The following FLRT2 variants were observed in gnomAD, a reference collection of about 807,000 sequenced individuals.
The protein encoded by FLRT2 is fibronectin leucine rich transmembrane protein 2.
In FLRT2, 15 loss-of-function variants were observed where a neutral mutation model predicts 40.0. That is an observed-to-expected ratio of 0.38 (90% CI 0.25 to 0.58). FLRT2 has a LOEUF of 0.58. Ranked by LOEUF, FLRT2 falls within the 20% of genes least tolerant of loss-of-function variation. FLRT2 has a pLI of 0.71. For missense variants in FLRT2, 726 were observed against 840.0 expected (o/e 0.86, Z 1.68); for synonymous variants, 380 against 336.8 (o/e 1.13, Z -1.41).
At position 85,626,658 on chromosome 14, in the gene FLRT2, T is replaced by C. The variant is rs1893694919; in HGVS notation, c.*3161T>C. On this transcript the variant is annotated 3_prime_UTR_variant, in exon 2 of 2. Transcript: ENST00000330753. Reference sequence around the variant, plus strand: ...TCAGATGCATTAGCAGCCCACTGCATGGGACAATCGCAGGCAGATACGAGG... The same window carrying C: ...TCAGATGCATTAGCAGCCCACTGCACGGGACAATCGCAGGCAGATACGAGG... 2 of 167,132 alleles carry C rather than the reference T, an allele frequency of 1.2e-5. No homozygotes were observed. The allele number at this position is 167,132 out of a possible 1,614,324, so 10.4% of individuals were successfully genotyped here.
At chr14:85,588,270 A>G (rs1300406734) in intron 1 of FLRT2, among the ~76,000 whole-genome samples, 1 of 152,202 alleles carries the variant, frequency 6.6e-6, no homozygotes, top group African/African-American at 2.4e-5. Flanking sequence ...ATTACTAAGA[A>G]TAATAAAAAT....
chr14:85,633,762 T>G lies in FLRT2; in HGVS notation c.*10265T>G, dbSNP rs1189642612. On this transcript the variant is annotated 3_prime_UTR_variant, in exon 2 of 2. Transcript: ENST00000330753. ...TTACATTGAGCTCTGATTGTGCCAC[T>G]GCACTCCAGCTTAGGCAACTGAGCA... 6.6e-6 allele frequency: 1 copy of G among 150,814 alleles called. No individual in the cohort carries two copies. Among genetic ancestry groups the G allele is most frequent in the Non-Finnish European group, 1.5e-5 (1 of 67,900 alleles). 9.3% of individuals were successfully genotyped at this position (150,814 alleles called of 1,614,324 possible).
At chr14:85,580,332 G>A (rs1176108429) in intron 1 of FLRT2, among the ~76,000 whole-genome samples, 1 of 152,006 alleles carries the variant, frequency 6.6e-6, no homozygotes, top group East Asian at 1.9e-4. Flanking sequence ...AAGTAATTTT[G>A]TTTTTCCTTT....
At chr14:85,614,586 C>T (rs758630205) in intron 1 of FLRT2, among the ~76,000 whole-genome samples, 7 of 152,168 alleles carry the variant, frequency 4.6e-5, no homozygotes, top group African/African-American at 9.7e-5. Flanking sequence ...GGTGGTCAAA[C>T]GTTAGTGACT....
chr14:85,557,749 A>G (rs7147467), intron 1 of FLRT2, among the ~76,000 whole-genome samples: 43,814 of 152,096 alleles, frequency 0.29, 6,951 homozygotes, highest in Middle Eastern at 0.41. Flanking sequence ...GCCAGGAGGT[A>G]GAGGTTGCAG....
chr14:85,586,615 C>A (rs1259823740), intron 1 of FLRT2, among the ~76,000 whole-genome samples: 2 of 151,748 alleles, frequency 1.3e-5, no homozygotes, highest in African/African-American at 4.8e-5. Context: ...TATTTATGTG[C>A]CAATTCTTAC....
chr14:85,551,530 T>A (rs1448075740), intron 1 of FLRT2, among the ~76,000 whole-genome samples: 1 of 152,190 alleles, frequency 6.6e-6, no homozygotes, highest in Admixed American at 6.5e-5. Context: ...TTTGTCCTGT[T>A]TATTGTTGTG....
At position 85,625,595 on chromosome 14, in the gene FLRT2, T is replaced by C. The variant is rs1234611435; in HGVS notation, c.*2098T>C. ...CTGGTTTCCATTTTAGTCTATTAGC[T>C]AGAGGGTTTTGGCTGTTGCTTTTTT... On this transcript the variant is annotated 3_prime_UTR_variant, in exon 2 of 2. Transcript: ENST00000330753. 6.0e-6 allele frequency: 1 copy of C among 167,068 alleles called. No individual in the cohort carries two copies. Among genetic ancestry groups the C allele is most frequent in the Non-Finnish European group, 1.5e-5 (1 of 68,132 alleles). The allele number at this position is 167,068 out of a possible 1,614,324, so 10.3% of individuals were successfully genotyped here.
chr14:85,551,103 T>A (rs918569396), intron 1 of FLRT2, among the ~76,000 whole-genome samples: 1 of 152,238 alleles, frequency 6.6e-6, no homozygotes, highest in Admixed American at 6.5e-5. Context: ...TTGTAAATAA[T>A]GAAATCTAGT....
chr14:85,539,781 G>C (rs1166842863), intron 1 of FLRT2, among the ~76,000 whole-genome samples: 1 of 152,176 alleles, frequency 6.6e-6, no homozygotes, highest in Non-Finnish European at 1.5e-5. Context: ...TGCCTGTCTT[G>C]TGCTATGATA....
chr14:85,540,004 G>A (rs1345249975), intron 1 of FLRT2, among the ~76,000 whole-genome samples: 1 of 152,132 alleles, frequency 6.6e-6, no homozygotes, highest in Non-Finnish European at 1.5e-5. Context: ...ATGATAATTA[G>A]GGTGAGTTGA....
Position 85,622,457 on chromosome 14 carries a change from G to A in FLRT2, c.943G>A (p.Asp315Asn). 6.2e-7 allele frequency: 1 copy of A among 1,614,120 alleles called. No individual in the cohort carries two copies. The highest frequency in any genetic ancestry group is 2.2e-5 in the East Asian group (1 of 44,870). Residue 315 changes from aspartate to asparagine, a missense_variant, in exon 2 of 2, where the codon GAC (aspartate) becomes AAC (asparagine). Physicochemically the swap from Asp to Asn is conservative, Grantham distance 23 (BLOSUM62 1). Coordinates refer to ENST00000330753, the MANE Select transcript of FLRT2 (RefSeq NM_013231.6). Reference sequence around the variant, plus strand: ...TGCTCGGAATAACCCTTGGTTTTGTGACTGCAGTATTAAATGGGTCACAGA... The same window carrying A: ...TGCTCGGAATAACCCTTGGTTTTGTAACTGCAGTATTAAATGGGTCACAGA... ...LTARNNPWFC[D>N]CSIKWVTEWL...
chr14:85,608,913 G>A (rs1211016809), intron 1 of FLRT2, among the ~76,000 whole-genome samples: 1 of 152,184 alleles, frequency 6.6e-6, no homozygotes, highest in Non-Finnish European at 1.5e-5. Flanking sequence ...TTTAAAAAGT[G>A]TAGGCACTTT....
chr14:85,578,892 A>G (rs943514236), intron 1 of FLRT2, among the ~76,000 whole-genome samples: 1 of 152,140 alleles, frequency 6.6e-6, no homozygotes, highest in Non-Finnish European at 1.5e-5. Flanking sequence ...ACCAGAAGGC[A>G]CTCCAAAGGC....
intron 1 of FLRT2, among the ~76,000 whole-genome samples, chr14:85,555,724 TTA>T (rs1491575830): frequency 6.6e-6 from 1 of 150,928 alleles, no homozygotes; most frequent in African/African-American, 2.4e-5. Context: ...TTATTTTATT[TTA>T]TTTTATTTTT....
At chr14:85,544,169 G>T (rs1178132327) in intron 1 of FLRT2, among the ~76,000 whole-genome samples, 4 of 152,132 alleles carry the variant, frequency 2.6e-5, no homozygotes, top group Non-Finnish European at 5.9e-5. Context: ...CCACCTTTCT[G>T]CCTTACTCTG....
intron 1 of FLRT2, among the ~76,000 whole-genome samples, chr14:85,565,710 C>G (rs1267078179): frequency 3.9e-5 from 6 of 152,064 alleles, no homozygotes; most frequent in Non-Finnish European, 8.8e-5. Context: ...GCTTGAAAGA[C>G]TCTTGGAAGT....
intron 1 of FLRT2, among the ~76,000 whole-genome samples, chr14:85,557,263 T>C (rs561925026): frequency 2.6e-5 from 4 of 151,486 alleles, no homozygotes; most frequent in Admixed American, 6.6e-5. Flanking sequence ...TTTTTTTTTT[T>C]CTGAAGCTTT....
intron 1 of FLRT2, among the ~76,000 whole-genome samples, chr14:85,604,495 A>G (rs150346826): frequency 4.6e-5 from 7 of 152,238 alleles, no homozygotes; most frequent in Admixed American, 2.0e-4. Flanking sequence ...TCACAGTAGT[A>G]TTGTTCACTT....
Sources: gnomAD v4.1 joint callset for allele counts (sites outside exome capture counted in the v4.1 genomes callset) on GRCh38, gnomAD v4.1.1 for gene constraint, MANE v1.5 for transcripts, NCBI Gene and HGNC (gene_info 2026-07-23, HGNC 2026-07-21) for gene names.